Variants in RAB28 observed in about 807,000 individuals in gnomAD.
RAB28 encodes RAB28, member RAS oncogene family, also known as ras-related protein Rab-28.
RAB28 carries 24 observed loss-of-function variants against 31.7 expected under a neutral mutation model. That is an observed-to-expected ratio of 0.76 (90% CI 0.55 to 1.06). The LOEUF (loss-of-function observed/expected upper bound fraction) is 1.06, where lower values mean the gene tolerates loss of function less well. Ranked by LOEUF, RAB28 falls within the 50% of genes least tolerant of loss-of-function variation. The pLI is 0.00. For missense variants in RAB28, 254 were observed against 258.5 expected (o/e 0.98, Z 0.12); for synonymous variants, 100 against 90.4 (o/e 1.11, Z -0.60).
chr4:13,424,772 G>A (rs1358260692), intron 4 of RAB28, among the ~76,000 whole-genome samples: 1 of 152,074 alleles, frequency 6.6e-6, no homozygotes, highest in Admixed American at 6.6e-5. Flanking sequence ...TTTGTAGACT[G>A]GATCCTACCT....
intron 4 of RAB28, among the ~76,000 whole-genome samples, chr4:13,427,780 A>C (rs576165131): frequency 6.6e-6 from 1 of 152,338 alleles, no homozygotes; most frequent in Admixed American, 6.5e-5. Context: ...CAGGGCATTC[A>C]GTGGAGAACA....
intron 6 of RAB28, 77 bp downstream of exon 6, chr4:13,376,468 G>T (rs1728925142): frequency 9.5e-7 from 1 of 1,057,772 alleles, no homozygotes; most frequent in Non-Finnish European, 1.4e-6. Flanking sequence ...GCATAAATGG[G>T]AAAGAATTTA....
chr4:13,406,474 G>C (rs954810091), intron 4 of RAB28, among the ~76,000 whole-genome samples: 2 of 152,160 alleles, frequency 1.3e-5, no homozygotes, highest in African/African-American at 4.8e-5. Flanking sequence ...GTGTGTATGT[G>C]TCTTTATAGT....
chr4:13,478,659 A>G (rs1235399170), intron 2 of RAB28, among the ~76,000 whole-genome samples: 2 of 151,744 alleles, frequency 1.3e-5, no homozygotes, highest in Non-Finnish European at 3.0e-5. Context: ...GATGGTTTAT[A>G]AAGTCAATCA....
intron 3 of RAB28, among the ~76,000 whole-genome samples, chr4:13,471,591 T>C (rs1458268073): frequency 1.3e-5 from 2 of 151,908 alleles, no homozygotes; most frequent in Non-Finnish European, 2.9e-5. Flanking sequence ...AGCCCCAAAC[T>C]CCTGGACTCA....
rs190298790 is a variant in RAB28, at chr4:13,397,159, T to C, written c.392-15565A>G. 6.7e-4 allele frequency among the ~76,000 whole-genome samples: 102 copies of C among 152,252 alleles called. 1 individual carries two copies. Among genetic ancestry groups the C allele is most frequent in the African/African-American group, 2.4e-3 (98 of 41,566 alleles). ...TACACAGGGCTGAAAATTAATGAAC[T>C]AGAGTTTCACACCACAATAAGAATG... On this transcript the variant is annotated intron_variant, in intron 4 of 6. Coordinates refer to ENST00000330852, the MANE Select transcript of RAB28 (RefSeq NM_001017979.3).
intron 1 of RAB28, among the ~76,000 whole-genome samples, chr4:13,483,313 G>A (rs1015142716): frequency 6.6e-6 from 1 of 152,066 alleles, no homozygotes. Context: ...TTCGAACAGG[G>A]GATCCCTTTT....
rs188249685 is a variant in RAB28 at position 13,391,322 on chromosome 4, C to T, written c.392-9728G>A. ...TGAAAAAACGCTCATCATCACTGGT[C>T]ATCAGAGAAACGCAAATCAAAACCA... On this transcript the variant is annotated intron_variant, in intron 4 of 6. Coordinates refer to ENST00000330852, the MANE Select transcript of RAB28 (RefSeq NM_001017979.3). Among the ~76,000 whole-genome samples the T allele has an allele frequency of 1.2e-3, 190 of 152,300 alleles. 1 individual carries two copies. The highest frequency in any genetic ancestry group is 4.1e-3 in the African/African-American group (171 of 41,562).
chr4:13,448,977 T>C (rs1179397764), intron 4 of RAB28, among the ~76,000 whole-genome samples: 1 of 151,958 alleles, frequency 6.6e-6, no homozygotes, highest in Non-Finnish European at 1.5e-5. Flanking sequence ...AGACACTTGG[T>C]TCTGATACTT....
rs1716512967 is a variant in RAB28 at position 13,479,487 on chromosome 4, T to C, written c.115A>G (p.Lys39Glu). The change falls in exon 2 of 7, where the codon AAA becomes GAA. Residue 39 changes from lysine (K) to glutamate (E), a missense_variant. By Grantham distance (56) the Lys-to-Glu change is moderately conservative. Transcript: ENST00000330852. ...AGTCCTATAGTTTGTTTGTACTGTT[T>C]CCCAAAAGTTTCTTGAGCAAAACAC... Reference protein sequence around the residue: ...TTCFAQETFGKQYKQTIGLDF... With the variant: ...TTCFAQETFGEQYKQTIGLDF... 1.9e-6 allele frequency: 3 copies of C among 1,609,540 alleles called. No homozygotes were observed. The highest frequency in any genetic ancestry group is 2.5e-6 in the Non-Finnish European group (3 of 1,177,030).
At chr4:13,402,553 C>T (rs920981009) in intron 4 of RAB28, among the ~76,000 whole-genome samples, 4 of 152,126 alleles carry the variant, frequency 2.6e-5, no homozygotes, top group Admixed American at 6.6e-5. Context: ...CTTCAACTTT[C>T]TTTTGATTAG....
intron 4 of RAB28, among the ~76,000 whole-genome samples, chr4:13,404,493 A>C (rs547616272): frequency 4.8e-4 from 73 of 152,356 alleles, no homozygotes; most frequent in Non-Finnish European, 9.4e-4. Flanking sequence ...CCTCAATCTA[A>C]AATTAAACAC....
At chr4:13,395,600 T>TATAG (rs1314627283) in intron 4 of RAB28, among the ~76,000 whole-genome samples, 2 of 152,024 alleles carry the variant, frequency 1.3e-5, no homozygotes, top group Non-Finnish European at 2.9e-5. Flanking sequence ...GGATCTCCAC[T>TATAG]GCATCCACCT....
chr4:13,419,313 A>G (rs993839236), intron 4 of RAB28, among the ~76,000 whole-genome samples: 2 of 152,116 alleles, frequency 1.3e-5, no homozygotes, highest in Admixed American at 6.6e-5. Flanking sequence ...AGACTTTAAC[A>G]CCCCACTGTC....
At chr4:13,461,399 T>C (rs7668060) in intron 3 of RAB28, among the ~76,000 whole-genome samples, 12 of 152,130 alleles carry the variant, frequency 7.9e-5, no homozygotes, top group Admixed American at 1.3e-4. Flanking sequence ...TTCATATACT[T>C]GAGCAGAGTT....
chr4:13,370,369 A>G, intron 6 of RAB28: 1 of 928,876 alleles, frequency 1.1e-6, no homozygotes, highest in Non-Finnish European at 1.3e-6. Flanking sequence ...GATTAATTCC[A>G]TTTCCATTAA....
intron 6 of RAB28, among the ~76,000 whole-genome samples, chr4:13,373,157 G>A (rs1405620141): frequency 6.6e-6 from 1 of 152,064 alleles, no homozygotes; most frequent in East Asian, 1.9e-4. Context: ...GGACTGAAAG[G>A]ACTATGCTTT....
At chr4:13,454,675 G>C (rs1254267440) in intron 4 of RAB28, among the ~76,000 whole-genome samples, 1 of 152,204 alleles carries the variant, frequency 6.6e-6, no homozygotes, top group African/African-American at 2.4e-5. Flanking sequence ...ACTTTGCCAT[G>C]GGTGGGCTTG....
intron 4 of RAB28, among the ~76,000 whole-genome samples, chr4:13,403,451 T>G (rs989361949): frequency 2.6e-5 from 4 of 152,248 alleles, no homozygotes; most frequent in Non-Finnish European, 5.9e-5. Context: ...TTCTCAACTG[T>G]TCCTGCCTTG....
Sources: allele counts gnomAD v4.1 joint callset (sites outside exome capture counted in the v4.1 genomes callset), GRCh38; gene constraint gnomAD v4.1.1; transcripts MANE v1.5; gene names NCBI Gene and HGNC (gene_info 2026-07-23, HGNC 2026-07-21).